The following TP53BP2 variants were observed in gnomAD, a reference collection of about 807,000 sequenced individuals.
TP53BP2 encodes the protein tumor protein p53 binding protein 2, also known as apoptosis-stimulating of p53 protein 2.
TP53BP2 carries 62 observed loss-of-function variants against 126.2 expected under a neutral mutation model. The observed-to-expected ratio is 0.49, with a 90% CI of 0.40 to 0.61. TP53BP2 has a LOEUF of 0.61. Ranked by LOEUF, TP53BP2 falls within the 20% of genes least tolerant of loss-of-function variation. The pLI, the probability that TP53BP2 is intolerant of heterozygous loss-of-function variation, is 0.00. For missense variants in TP53BP2, 1,215 were observed against 1,402.8 expected (o/e 0.87, Z 2.14); for synonymous variants, 485 against 502.9 (o/e 0.96, Z 0.48).
At position 223,821,322 on chromosome 1, in the gene TP53BP2, C is replaced by G. The variant is rs752169777; in HGVS notation, c.73G>C (p.Glu25Gln). 1 of 1,614,058 alleles carries G rather than the reference C, an allele frequency of 6.2e-7. No homozygotes were observed. The highest frequency in any genetic ancestry group is 8.5e-7 in the Non-Finnish European group (1 of 1,179,898). The change falls in exon 2 of 18, where the codon GAA (glutamate) becomes CAA (glutamine). Residue 25 changes from glutamate to glutamine, a missense_variant. Physicochemically the swap from Glu to Gln is conservative, Grantham distance 29. Around this residue, in one of 4 missense-constraint regions of TP53BP2, gnomAD observed 814 missense variants for 853.0 expected, o/e 0.95. Transcript: ENST00000343537. The stretch of plus-strand genomic sequence containing the variant: ...ATTGTTTCTGGAGTAACTGGAACTT[C>G]TGTGAAGTGCTGCTCATTGTTACTG... ...YLSNNEQHFTEVPVTPETICR... is the reference protein window; with the variant it reads ...YLSNNEQHFTQVPVTPETICR...
At chr1:223,834,980 C>T in intron 1 of TP53BP2, 1 of 433,502 alleles carries the variant, frequency 2.3e-6, no homozygotes, top group Non-Finnish European at 3.1e-6. Flanking sequence ...GGTTTTCCTC[C>T]TCCTACATTA....
In TP53BP2 at chr1:223,827,246, A is replaced by G. The variant is rs567876747; in HGVS notation, c.28-5879T>C. On this transcript the variant is annotated intron_variant, in intron 1 of 17. Transcript: ENST00000343537. ...AAAGAATGCTGAGGACTGTGTCCTA[A>G]GCTAACCAAGCAACCTCCAGAGGTC... Among the ~76,000 whole-genome samples the G allele has an allele frequency of 2.6e-5, 4 of 152,286 alleles. No homozygotes were observed. The East Asian group carries it at 7.7e-4, about 29-fold the overall frequency.
At chr1:223,784,966 G>C (rs1251927234) in intron 16 of TP53BP2, among the ~76,000 whole-genome samples, 1 of 152,146 alleles carries the variant, frequency 6.6e-6, no homozygotes, top group Non-Finnish European at 1.5e-5. Flanking sequence ...AAAATCCTCA[G>C]AAGTCCACCT....
At chr1:223,831,479 AAATATATATATATAT>A (rs1187689760) in intron 1 of TP53BP2, among the ~76,000 whole-genome samples, 6,552 of 46,146 alleles carry the variant, frequency 0.14, 342 homozygotes, top group Non-Finnish European at 0.19. Context: ...AAAAAAAAAA[AAATATATATATATAT>A]ATATATATAT....
At chr1:223,797,712 C>T (rs977578058) in intron 12 of TP53BP2, among the ~76,000 whole-genome samples, 10 of 151,706 alleles carry the variant, frequency 6.6e-5, no homozygotes, top group African/African-American at 2.4e-4. Flanking sequence ...CGCCCAGCCA[C>T]AGTTATATAT....
At chr1:223,800,889 A>G in intron 9 of TP53BP2, 79 bp from the exon 10 acceptor site, 1 of 1,010,456 alleles carries the variant, frequency 9.9e-7, no homozygotes, top group Non-Finnish European at 1.5e-6. Context: ...AAGACTTTTA[A>G]TCTCTAAAAA....
At chr1:223,807,944 T>G (rs148171028) in intron 4 of TP53BP2, among the ~76,000 whole-genome samples, 35 of 152,318 alleles carry the variant, frequency 2.3e-4, no homozygotes, top group Non-Finnish European at 4.3e-4. Context: ...AAAATTCATA[T>G]GGAAGTACAA....
intron 2 of TP53BP2, among the ~76,000 whole-genome samples, chr1:223,816,640 T>A (rs959652328): frequency 6.6e-6 from 1 of 152,136 alleles, no homozygotes; most frequent in African/African-American, 2.4e-5. Flanking sequence ...ATCAGTTTAG[T>A]AAAAGTTAAA....
Position 223,803,348 on chromosome 1 carries a change from T to A in TP53BP2, c.754A>T (p.Lys252Ter). 1 of 1,614,030 alleles carries A rather than the reference T, an allele frequency of 6.2e-7. No homozygotes were observed. Among genetic ancestry groups the A allele is most frequent in the Non-Finnish European group, 8.5e-7 (1 of 1,179,946 alleles). Residue 252 changes from lysine (K) to a stop codon, truncating the protein, a stop_gained, in exon 7 of 18, where the codon AAG becomes TAG. Transcript: ENST00000343537. LOFTEE classifies it high-confidence loss of function. ...TGGTGGCTGTCGATCCTGCCGTTCTTGAGCATCTCTAGCTGCCTGGTCAGT... is the reference window on the plus strand; with the variant it reads ...TGGTGGCTGTCGATCCTGCCGTTCTAGAGCATCTCTAGCTGCCTGGTCAGT... Reference protein sequence around the residue: ...EELTRQLEMLKNGRIDSHHDN... With the variant: ...EELTRQLEML
intron 4 of TP53BP2, among the ~76,000 whole-genome samples, chr1:223,809,913 G>A (rs1662855164): frequency 6.6e-6 from 1 of 151,848 alleles, no homozygotes; most frequent in African/African-American, 2.4e-5. Flanking sequence ...TGCAATCTCT[G>A]CCTCCCGGGT....
intron 1 of TP53BP2, among the ~76,000 whole-genome samples, chr1:223,842,690 T>C (rs1358919553): frequency 6.6e-6 from 1 of 152,280 alleles, no homozygotes; most frequent in Non-Finnish European, 1.5e-5. Flanking sequence ...GAACACATTT[T>C]TGTTTTGAGC....
At chr1:223,841,634 T>C (rs1199541510) in intron 1 of TP53BP2, among the ~76,000 whole-genome samples, 1 of 152,236 alleles carries the variant, frequency 6.6e-6, no homozygotes, top group Non-Finnish European at 1.5e-5. Flanking sequence ...AAGCAAAAGT[T>C]AAGCTACTGG....
intron 1 of TP53BP2, among the ~76,000 whole-genome samples, chr1:223,841,909 TTTC>T (rs1222035171): frequency 7.2e-5 from 10 of 139,050 alleles, no homozygotes; most frequent in African/African-American, 1.2e-4. Flanking sequence ...TTACTTTCTC[TTTC>T]TTTTTTTTTT....
intron 1 of TP53BP2, among the ~76,000 whole-genome samples, chr1:223,833,626 T>A (rs1663818758): frequency 6.6e-6 from 1 of 152,168 alleles, no homozygotes; most frequent in African/African-American, 2.4e-5. Flanking sequence ...TATACATGAA[T>A]AGGTAACAGG....
chr1:223,796,514 G>A lies in TP53BP2; in HGVS notation c.2025C>T (p.Gly675=), dbSNP rs756866523. 1 of 1,613,982 alleles carries A rather than the reference G, an allele frequency of 6.2e-7. No homozygotes were observed. Among genetic ancestry groups the A allele is most frequent in the Non-Finnish European group, 8.5e-7 (1 of 1,180,022 alleles). Residue 675 remains glycine, a synonymous_variant, in exon 13 of 18, where the codon GGC becomes GGT. Coordinates refer to ENST00000343537, the MANE Select transcript of TP53BP2 (RefSeq NM_001031685.3). This position sits in a 1 kb window ranked among gnomAD's most constrained non-coding sequence, Gnocchi z 4.2. The stretch of plus-strand genomic sequence containing the variant: ...TTTCAGGTTCTGGACTGCCAGGCTT[G>A]CCCTGGCTATTGGAATAAATGTTCT... ...HPENIYSNSQ[G]KPGSPEPETE... is the part of the protein sequence containing the mutation.
chr1:223,784,386 T>C (rs1476020297), intron 16 of TP53BP2, 72 bp from the exon 17 acceptor site: 22 of 1,435,206 alleles, frequency 1.5e-5, no homozygotes, highest in Admixed American at 1.4e-4. Context: ...CTTTTAGCTA[T>C]ATGAAACAAA....
Position 223,821,895 on chromosome 1 carries a change from C to CT in TP53BP2, c.28-529dup, listed in dbSNP as rs111552661. Among the ~76,000 whole-genome samples, 253 of 144,926 alleles carry CT rather than the reference C, an allele frequency of 1.7e-3. 1 individual carries two copies. Among genetic ancestry groups the CT allele is most frequent in the East Asian group, 3.4e-3 (17 of 4,968 alleles). On this transcript the variant is annotated intron_variant, in intron 1 of 17. Coordinates refer to ENST00000343537, the MANE Select transcript of TP53BP2 (RefSeq NM_001031685.3). ...TATATTACCTATTCAAAAAATTGTA[C>CT]TTTTTTTTTTTTTGGAGACAGAGTC...
intron 15 of TP53BP2, among the ~76,000 whole-genome samples, chr1:223,791,371 T>C (rs1340704755): frequency 6.6e-6 from 1 of 152,224 alleles, no homozygotes; most frequent in Admixed American, 6.5e-5. Context: ...TACAGATGGC[T>C]TGTTTTCCCC....
At chr1:223,834,375 G>A (rs1279387438) in intron 1 of TP53BP2, among the ~76,000 whole-genome samples, 3 of 152,128 alleles carry the variant, frequency 2.0e-5, no homozygotes, top group Non-Finnish European at 4.4e-5. Context: ...CTGCATTAGA[G>A]GGTTTTGAGC....
Sources: gnomAD v4.1 joint callset for allele counts (sites outside exome capture counted in the v4.1 genomes callset) on GRCh38, gnomAD v4.1.1 for gene constraint, gnomAD v4.1.1 regional missense constraint, Gnocchi (gnomAD v3.1) non-coding constraint, MANE v1.5 for transcripts, NCBI Gene and HGNC (gene_info 2026-07-23, HGNC 2026-07-21) for gene names.